SOX5: variants seen among roughly 807,000 people sequenced by gnomAD.
The protein encoded by SOX5 is transcription factor SOX-5.
A neutral mutation model predicts 92.0 loss-of-function variants in SOX5; 9 were observed. The observed-to-expected ratio is 0.10, with a 90% CI of 0.06 to 0.17. The LOEUF is 0.17. Among genes scored for constraint, SOX5 ranks in the 10% least tolerant of loss-of-function variants. The probability of loss-of-function intolerance (pLI) is 1.00; values close to 1 mark genes in which losing one functional copy is unlikely to be tolerated. For synonymous variants in SOX5, 344 were observed against 336.3 expected, an observed-to-expected ratio of 1.02 and a Z score of -0.25; for missense variants, 642 against 944.5, an observed-to-expected ratio of 0.68 and a Z score of 4.20.
At chr12:23,675,911 C>A (rs1011707091) in intron 6 of SOX5, among the ~76,000 whole-genome samples, 1 of 152,070 alleles carries the variant, frequency 6.6e-6, no homozygotes, top group Non-Finnish European at 1.5e-5. Context: ...TATCAATCAT[C>A]TGGGAAATGC....
At chr12:24,463,651 G>T (rs999066655) in intron 1 of SOX5, among the ~76,000 whole-genome samples, 3 of 152,198 alleles carry the variant, frequency 2.0e-5, no homozygotes, top group African/African-American at 7.2e-5. Context: ...ACGGATTGGT[G>T]AACGGCAAAA....
At chr12:24,384,513 T>C (rs1045450961) in intron 1 of SOX5, among the ~76,000 whole-genome samples, 2 of 152,102 alleles carry the variant, frequency 1.3e-5, no homozygotes, top group African/African-American at 4.8e-5. Context: ...AGTGCTTCCT[T>C]TAAAAAGTGA....
At chr12:24,423,587 C>A (rs1966263107) in intron 1 of SOX5, among the ~76,000 whole-genome samples, 1 of 152,132 alleles carries the variant, frequency 6.6e-6, no homozygotes, top group African/African-American at 2.4e-5. Flanking sequence ...CACAATATTC[C>A]CAGGAAATAT....
intron 4 of SOX5, among the ~76,000 whole-genome samples, chr12:23,750,635 A>T (rs979157981): frequency 6.6e-6 from 1 of 151,864 alleles, no homozygotes; most frequent in Non-Finnish European, 1.5e-5. Flanking sequence ...TCAAACAAGC[A>T]ATTTTTTTAA....
chr12:24,303,711 G>A (rs1334589819), intron 2 of SOX5, among the ~76,000 whole-genome samples: 3 of 152,094 alleles, frequency 2.0e-5, no homozygotes, highest in African/African-American at 7.2e-5. Context: ...GAAGGTCACC[G>A]ATTCCTTCTC....
intron 1 of SOX5, among the ~76,000 whole-genome samples, chr12:24,403,811 A>C (rs915594581): frequency 8.5e-5 from 13 of 152,236 alleles, no homozygotes; most frequent in African/African-American, 2.7e-4. Context: ...GTAAGTAAGC[A>C]CCTATTAGAA....
chr12:23,932,519 T>C (rs1941668222), intron 1 of SOX5, among the ~76,000 whole-genome samples: 1 of 151,706 alleles, frequency 6.6e-6, no homozygotes. Flanking sequence ...TATAAGAGAA[T>C]GACCTTATAT....
chr12:23,859,201 G>A (rs1055150803), intron 2 of SOX5, among the ~76,000 whole-genome samples: 5 of 152,168 alleles, frequency 3.3e-5, no homozygotes, highest in Admixed American at 1.3e-4. Flanking sequence ...GCAGAATACA[G>A]CCATATTTTT....
chr12:24,140,860 G>T (rs908271416), intron 4 of SOX5, among the ~76,000 whole-genome samples: 1 of 152,042 alleles, frequency 6.6e-6, no homozygotes, highest in Non-Finnish European at 1.5e-5. Context: ...AAAAACTGAA[G>T]TTAGCTTCAG....
rs144907650 is a variant in SOX5 at position 24,444,105 on chromosome 12, C to T, written c.-250-75466G>A. ...TTCTCTAAACACACTTCGTGAAATGCCTAAAAGATGCTAGAAGAGGGGAGC... is the reference window on the plus strand; with the variant it reads ...TTCTCTAAACACACTTCGTGAAATGTCTAAAAGATGCTAGAAGAGGGGAGC... On this transcript the variant is annotated intron_variant, in intron 1 of 4. Transcript: ENST00000446891. 1.1e-3 allele frequency among the ~76,000 whole-genome samples: 171 copies of T among 152,192 alleles called. 1 individual carries two copies. Among genetic ancestry groups the T allele is most frequent in the African/African-American group, 4.0e-3 (167 of 41,520 alleles).
chr12:23,843,053 C>T (rs1045737276), intron 3 of SOX5, among the ~76,000 whole-genome samples: 13 of 152,252 alleles, frequency 8.5e-5, no homozygotes, highest in African/African-American at 2.9e-4. Context: ...TATTTTACTT[C>T]TGTGGTCTTC....
intron 2 of SOX5, among the ~76,000 whole-genome samples, chr12:24,349,582 C>T (rs542388): frequency 0.33 from 49,995 of 152,078 alleles, 9,607 homozygotes; most frequent in East Asian, 0.78. Flanking sequence ...TTCCTCAAGG[C>T]TTATTCATAT....
chr12:24,381,663 T>A (rs1957839122), intron 1 of SOX5, among the ~76,000 whole-genome samples: 1 of 152,192 alleles, frequency 6.6e-6, no homozygotes, highest in African/African-American at 2.4e-5. Flanking sequence ...TAGTCTTGCC[T>A]TACTCGTGAA....
chr12:24,287,645 T>A (rs1444562494), intron 2 of SOX5, among the ~76,000 whole-genome samples: 1 of 150,784 alleles, frequency 6.6e-6, no homozygotes, highest in Non-Finnish European at 1.5e-5. Context: ...TTCTAGTTAT[T>A]TTCAAGGAAT....
chr12:24,178,026 G>A (rs1955021002), intron 4 of SOX5, among the ~76,000 whole-genome samples: 1 of 152,054 alleles, frequency 6.6e-6, no homozygotes. Flanking sequence ...CACTCTCCAG[G>A]GCAGTCCAGG....
chr12:24,483,285 C>A (rs988450039), intron 1 of SOX5, among the ~76,000 whole-genome samples: 1 of 152,164 alleles, frequency 6.6e-6, no homozygotes, highest in African/African-American at 2.4e-5. Flanking sequence ...TAGAATTTTT[C>A]TGGACAGTGA....
intron 3 of SOX5, among the ~76,000 whole-genome samples, chr12:24,255,799 G>T (rs968942872): frequency 6.6e-6 from 1 of 152,106 alleles, no homozygotes; most frequent in African/African-American, 2.4e-5. Context: ...CTTTTTTAAC[G>T]AATTTGAAAC....
At chr12:23,979,235 T>C (rs1421797410) in intron 4 of SOX5, among the ~76,000 whole-genome samples, 1 of 152,164 alleles carries the variant, frequency 6.6e-6, no homozygotes, top group African/African-American at 2.4e-5. Flanking sequence ...TGTTTTGCTT[T>C]GTCTTTGAGA....
chr12:24,176,099 G>C (rs1294109100), intron 4 of SOX5, among the ~76,000 whole-genome samples: 1 of 152,150 alleles, frequency 6.6e-6, no homozygotes, highest in African/African-American at 2.4e-5. Flanking sequence ...GGGAGGCTGA[G>C]GTGAACAGAT....
Sources: gnomAD v4.1 joint callset for allele counts (sites outside exome capture counted in the v4.1 genomes callset) on GRCh38, gnomAD v4.1.1 for gene constraint, MANE v1.5 for transcripts, NCBI Gene and HGNC (gene_info 2026-07-23, HGNC 2026-07-21) for gene names.